SATB2: variants seen among roughly 807,000 people sequenced by gnomAD.
SATB2 encodes the protein DNA-binding protein SATB2.
Under a neutral mutation model 73.4 loss-of-function variants are expected in SATB2, and 1 was observed. The ratio of observed to expected loss-of-function variants is 0.01; its 90% CI spans 0.00 to 0.06. The LOEUF (loss-of-function observed/expected upper bound fraction) is 0.06. Among genes scored for constraint, SATB2 ranks in the 10% least tolerant of loss-of-function variants. The pLI is 1.00. For synonymous variants in SATB2, 397 were observed against 367.0 expected, an observed-to-expected ratio of 1.08 and a Z score of -0.93; for missense variants, 459 against 945.8, an observed-to-expected ratio of 0.49 and a Z score of 6.75.
At chr2:199,386,698 GCGCGCGCGCGCGCGCGCGCACACACACA>G in intron 3 of SATB2, among the ~76,000 whole-genome samples, 1 of 5,606 alleles carries the variant, frequency 1.8e-4, no homozygotes, top group East Asian at 0.056. Flanking sequence ...GTGCGCAAGC[GCGCGCGCGCGCGCGCGCGCACACACACA>G]CACACACACA....
intron 3 of SATB2, among the ~76,000 whole-genome samples, chr2:199,426,742 G>GA (rs1408690340): frequency 1.4e-5 from 2 of 140,454 alleles, no homozygotes; most frequent in South Asian, 2.3e-4. Context: ...GAAAGAAAAA[G>GA]AAAAAAAGGT....
chr2:199,408,696 A>C (rs1690711702), intron 3 of SATB2, among the ~76,000 whole-genome samples: 1 of 146,226 alleles, frequency 6.8e-6, no homozygotes, highest in Non-Finnish European at 1.5e-5. Context: ...AAAAAAAAAT[A>C]GAGTCTTAGG....
Position 199,457,210 on chromosome 2 carries a change from G to A in SATB2, c.-60+129C>T, listed in dbSNP as rs1363720002. On this transcript the variant is annotated intron_variant, in intron 1 of 10. Transcript: ENST00000417098. The surrounding 1 kb of genome is among the most constrained non-coding windows in gnomAD (Gnocchi z 4.8). ...GACACGGAGCAGGAGGGCTGAGGGC[G>A]AGGCTTCCGCCTGCATTCCCCGACT... is the stretch of plus-strand genomic sequence containing the variant. 6.6e-6 allele frequency: 1 copy of A among 152,372 alleles called. No individual in the cohort carries two copies. The highest frequency in any genetic ancestry group is 1.5e-5 in the Non-Finnish European group (1 of 68,140). The allele number at this position is 152,372 out of a possible 1,614,324, so 9.4% of individuals were successfully genotyped here.
chr2:199,307,919 CTTACTCCAGGA>C (rs1687480929), intron 10 of SATB2, among the ~76,000 whole-genome samples: 1 of 152,138 alleles, frequency 6.6e-6, no homozygotes, highest in Admixed American at 6.5e-5. Context: ...CTTTCTTTTT[CTTACTCCAGGA>C]GATTCAGAGA....
At chr2:199,386,692 GCAAGCGCGCGCGCGCGCGCGCGCGCACA>G (rs1396585112) in intron 3 of SATB2, among the ~76,000 whole-genome samples, 54 of 5,166 alleles carry the variant, frequency 0.01, no homozygotes, top group African/African-American at 0.025. Flanking sequence ...ATACACGTGC[GCAAGCGCGCGCGCGCGCGCGCGCGCACA>G]CACACACACA....
intron 3 of SATB2, among the ~76,000 whole-genome samples, chr2:199,400,730 C>T (rs1168006445): frequency 2.0e-5 from 3 of 152,112 alleles, no homozygotes; most frequent in South Asian, 4.1e-4. Context: ...CAGATGAGAA[C>T]ACCAGGGGAC....
chr2:199,369,005 C>T, intron 5 of SATB2: 1 of 285,086 alleles, frequency 3.5e-6, no homozygotes, highest in Non-Finnish European at 6.7e-6. Context: ...GGAACCAGAG[C>T]AAAAGGTGAG....
chr2:199,271,904 CAG>C lies in SATB2; in HGVS notation c.*305_*306del. ...CCGTTAAGTGCAAGGATAATGAAGG[CAG>C]AGTCTCCTGTGATTATAATGACTAT... On this transcript the variant is annotated 3_prime_UTR_variant, in exon 11 of 11. Transcript: ENST00000417098. The C allele has an allele frequency of 4.8e-6, 2 of 415,282 alleles. No individual in the cohort carries two copies. The highest frequency in any genetic ancestry group is 9.0e-6 in the Non-Finnish European group (2 of 222,920). 25.7% of individuals were successfully genotyped at this position (415,282 alleles called of 1,614,324 possible).
chr2:199,301,064 T>C (rs1687275748), intron 10 of SATB2, among the ~76,000 whole-genome samples: 1 of 152,062 alleles, frequency 6.6e-6, no homozygotes, highest in Admixed American at 6.6e-5. Flanking sequence ...AAAAAATACA[T>C]TAGCAGAACC....
At chr2:199,298,024 AG>A (rs1160680863) in intron 10 of SATB2, among the ~76,000 whole-genome samples, 2 of 152,200 alleles carry the variant, frequency 1.3e-5, no homozygotes, top group Non-Finnish European at 2.9e-5. Flanking sequence ...TGCAAACAAT[AG>A]AGGCCAGGCA....
chr2:199,417,959 C>T (rs1448436543), intron 3 of SATB2, among the ~76,000 whole-genome samples: 2 of 152,152 alleles, frequency 1.3e-5, no homozygotes, highest in Non-Finnish European at 2.9e-5. Context: ...TACTTCACAT[C>T]CAGTATCTCA....
At chr2:199,391,923 C>T (rs976386201) in intron 3 of SATB2, among the ~76,000 whole-genome samples, 2 of 152,176 alleles carry the variant, frequency 1.3e-5, no homozygotes, top group Admixed American at 1.3e-4. Context: ...AGCTGGACCA[C>T]ACAGTTAGAG....
In SATB2 at chr2:199,298,242, G is replaced by A. The variant is rs186963242; in HGVS notation, c.1740+10518C>T. Among the ~76,000 whole-genome samples the A allele has an allele frequency of 1.6e-4, 24 of 152,042 alleles. 2 individuals are homozygous for A. Among genetic ancestry groups the A allele is most frequent in the East Asian group, 1.4e-3 (7 of 5,158 alleles). ...ACCCCATCAATTTGGGATTATTCTCGCAAACTAGTTTCAGAAATTTTAAGC... is the reference window on the plus strand; with the variant it reads ...ACCCCATCAATTTGGGATTATTCTCACAAACTAGTTTCAGAAATTTTAAGC... On this transcript the variant is annotated intron_variant, in intron 10 of 10. Coordinates refer to ENST00000417098, the MANE Select transcript of SATB2 (RefSeq NM_001172509.2).
rs1470315664 is a variant in SATB2 at position 199,457,211 on chromosome 2, A to C, written c.-60+128T>G. The stretch of plus-strand genomic sequence containing the variant: ...ACACGGAGCAGGAGGGCTGAGGGCG[A>C]GGCTTCCGCCTGCATTCCCCGACTT... On this transcript the variant is annotated intron_variant, in intron 1 of 10. Coordinates refer to ENST00000417098, the MANE Select transcript of SATB2 (RefSeq NM_001172509.2). This position sits in a 1 kb window ranked among gnomAD's most constrained non-coding sequence, Gnocchi z 4.8. 2.0e-5 allele frequency: 3 copies of C among 152,314 alleles called. No individual in the cohort carries two copies. Among genetic ancestry groups the C allele is most frequent in the Non-Finnish European group, 4.4e-5 (3 of 68,134 alleles). The allele number at this position is 152,314 out of a possible 1,614,324, so 9.4% of individuals were successfully genotyped here.
At chr2:199,388,464 T>A (rs1187635047) in intron 3 of SATB2, among the ~76,000 whole-genome samples, 1 of 152,166 alleles carries the variant, frequency 6.6e-6, no homozygotes, top group Non-Finnish European at 1.5e-5. Context: ...GTTCTCACAG[T>A]TTGCAGTGGC....
rs192860365 is a variant in SATB2, at chr2:199,400,151, G to A, written c.347-18331C>T. On this transcript the variant is annotated intron_variant, in intron 3 of 10. Transcript: ENST00000417098. ...CCTATTCCCTCCAAGAGAATTAATCGCACCACACTTTGTATTTACTCATGA... is the reference window on the plus strand; with the variant it reads ...CCTATTCCCTCCAAGAGAATTAATCACACCACACTTTGTATTTACTCATGA... Among the ~76,000 whole-genome samples, 106 of 152,180 alleles carry A rather than the reference G, an allele frequency of 7.0e-4. 2 individuals are homozygous for A. The highest frequency in any genetic ancestry group is 6.6e-3 in the Admixed American group (101 of 15,280).
chr2:199,293,552 T>C (rs566916265), intron 10 of SATB2, among the ~76,000 whole-genome samples: 13 of 152,302 alleles, frequency 8.5e-5, no homozygotes, highest in African/African-American at 2.9e-4. Context: ...TGAGCCTTAA[T>C]GCATGAAAGC....
chr2:199,372,326 T>C (rs1033021722), intron 5 of SATB2, among the ~76,000 whole-genome samples: 12 of 152,180 alleles, frequency 7.9e-5, no homozygotes, highest in Non-Finnish European at 1.5e-4. Context: ...TTCCAAAGTT[T>C]ACTAGCAGAC....
chr2:199,379,663 G>A (rs1309613182), intron 5 of SATB2, among the ~76,000 whole-genome samples: 8 of 147,010 alleles, frequency 5.4e-5, no homozygotes, highest in South Asian at 4.4e-4. Flanking sequence ...TATGTAAAAC[G>A]TCTATTTTCT....
Sources: gnomAD v4.1 joint callset for allele counts (sites outside exome capture counted in the v4.1 genomes callset) on GRCh38, gnomAD v4.1.1 for gene constraint, Gnocchi (gnomAD v3.1) non-coding constraint, MANE v1.5 for transcripts, NCBI Gene and HGNC (gene_info 2026-07-23, HGNC 2026-07-21) for gene names.